Variants in DLC1 observed in about 807,000 individuals in gnomAD.
The protein encoded by DLC1 is rho GTPase-activating protein 7.
DLC1 carries 54 observed loss-of-function variants against 140.3 expected under a neutral mutation model. That is an observed-to-expected ratio of 0.38 (90% confidence interval 0.31 to 0.48). DLC1 has a LOEUF of 0.48. DLC1 is among the 20% of genes least tolerant of loss of function. The pLI, the probability that DLC1 is intolerant of heterozygous loss-of-function variation, is 0.96. For missense variants in DLC1, 2,536 were observed against 1,907.0 expected (o/e 1.33, Z -6.14); for synonymous variants, 986 against 728.1 (o/e 1.35, Z -5.70).
intron 1 of DLC1, among the ~76,000 whole-genome samples, chr8:13,556,620 G>T (rs1804054578): frequency 1.3e-5 from 2 of 152,096 alleles, no homozygotes; most frequent in African/African-American, 4.8e-5. Context: ...TGCTTCTCAG[G>T]ACAGACAATG....
intron 1 of DLC1, among the ~76,000 whole-genome samples, chr8:13,551,501 A>G (rs528744502): frequency 1.3e-3 from 197 of 152,116 alleles, no homozygotes; most frequent in African/African-American, 4.6e-3. Context: ...CTCTTTCACA[A>G]TAGCATTTTC....
intron 5 of DLC1, among the ~76,000 whole-genome samples, chr8:13,132,222 T>C (rs1822162659): frequency 6.6e-6 from 1 of 151,570 alleles, no homozygotes; most frequent in Non-Finnish European, 1.5e-5. Context: ...TGTGTGTGTG[T>C]GTGTGTGTGT....
At chr8:13,593,359 C>T (rs899549397) in intron 1 of DLC1, among the ~76,000 whole-genome samples, 1 of 152,102 alleles carries the variant, frequency 6.6e-6, no homozygotes, top group African/African-American at 2.4e-5. Flanking sequence ...CTTCTGGGCA[C>T]AAAGTAGGAT....
At chr8:13,296,152 C>CACCATGTTG (rs945122627) in intron 5 of DLC1, among the ~76,000 whole-genome samples, 1 of 151,746 alleles carries the variant, frequency 6.6e-6, no homozygotes, top group African/African-American at 2.4e-5. Flanking sequence ...GACAGAGTTA[C>CACCATGTTG]ACCATGTTGG....
intron 1 of DLC1, among the ~76,000 whole-genome samples, chr8:13,503,873 G>C (rs886651359): frequency 6.6e-6 from 1 of 152,078 alleles, no homozygotes; most frequent in South Asian, 2.1e-4. Context: ...ATCTATCTGT[G>C]GTAAATATCT....
At chr8:13,322,435 C>A (rs1035154989) in intron 4 of DLC1, among the ~76,000 whole-genome samples, 1 of 152,014 alleles carries the variant, frequency 6.6e-6, no homozygotes, top group Non-Finnish European at 1.5e-5. Context: ...TTGTTGGACA[C>A]AAATTATTAC....
intron 2 of DLC1, among the ~76,000 whole-genome samples, chr8:13,405,044 G>C (rs761714156): frequency 6.6e-6 from 1 of 151,532 alleles, no homozygotes; most frequent in Non-Finnish European, 1.5e-5. Flanking sequence ...TACTTCTGGA[G>C]GATTTTTTTT....
intron 4 of DLC1, among the ~76,000 whole-genome samples, chr8:13,362,567 A>G (rs1835280773): frequency 6.6e-6 from 1 of 151,916 alleles, no homozygotes; most frequent in South Asian, 2.1e-4. Context: ...GTTTCTTGCA[A>G]TTCATAATTA....
intron 5 of DLC1, among the ~76,000 whole-genome samples, chr8:13,268,609 A>T (rs79753836): frequency 0.075 from 11,403 of 152,138 alleles, 486 homozygotes; most frequent in South Asian, 0.095. Context: ...TCTTGAACTC[A>T]TGGCTTCAAG....
chr8:13,203,702 C>G (rs1827514287), intron 5 of DLC1, among the ~76,000 whole-genome samples: 1 of 152,086 alleles, frequency 6.6e-6, no homozygotes, highest in African/African-American at 2.4e-5. Flanking sequence ...CTTTTTAAGG[C>G]AAATATTCCT....
intron 5 of DLC1, among the ~76,000 whole-genome samples, chr8:13,219,245 T>G (rs1237820787): frequency 7.4e-6 from 1 of 136,046 alleles, no homozygotes; most frequent in African/African-American, 2.7e-5. Context: ...ATAATGATAT[T>G]CTTGAATATG....
intron 5 of DLC1, among the ~76,000 whole-genome samples, chr8:13,245,975 T>A (rs1204436152): frequency 6.6e-6 from 1 of 152,170 alleles, no homozygotes; most frequent in East Asian, 1.9e-4. Context: ...GTGCTGGGAT[T>A]ACAGGTGTTA....
intron 1 of DLC1, among the ~76,000 whole-genome samples, chr8:13,535,669 T>TAAAAAAAAAA (rs55970525): frequency 8.7e-6 from 1 of 114,690 alleles, no homozygotes; most frequent in African/African-American, 3.7e-5. Context: ...CATTGCTCAT[T>TAAAAAAAAAA]AAAAAAAAAA....
At chr8:13,100,903 AGT>A (rs1819023231) in intron 8 of DLC1, 133 bp from the exon 9 acceptor site, 202 of 762,334 alleles carry the variant, frequency 2.6e-4, no homozygotes, top group Non-Finnish European at 3.3e-4. Flanking sequence ...TTAATTTTAA[AGT>A]TTTTTTTTTT....
intron 5 of DLC1, among the ~76,000 whole-genome samples, chr8:13,286,024 A>C (rs538558905): frequency 1.3e-5 from 2 of 152,234 alleles, no homozygotes; most frequent in Non-Finnish European, 2.9e-5. Flanking sequence ...AATATGCAAT[A>C]CAGTGTTATT....
chr8:13,189,125 A>G (rs567745629), intron 5 of DLC1, among the ~76,000 whole-genome samples: 3 of 152,206 alleles, frequency 2.0e-5, no homozygotes, highest in Non-Finnish European at 2.9e-5. Context: ...GTTTTTCATG[A>G]TAAAATAATT....
Position 13,522,770 on chromosome 8 carries a change from G to A in DLC1, c.-125-22574C>T, listed in dbSNP as rs7011895. Among the ~76,000 whole-genome samples the A allele has an allele frequency of 2.6e-5, 4 of 152,116 alleles. No individual in the cohort carries two copies. The South Asian group carries it at 6.2e-4, about 24-fold the overall frequency. On this transcript the variant is annotated intron_variant, in intron 1 of 1. Transcript: ENST00000631382. ...GAGGGTGTGGAATGAGGATTGAGGG[G>A]CAATCATGTTATATAATTAAATAAG... is the stretch of plus-strand genomic sequence containing the variant.
At chr8:13,590,301 C>G (rs924679548) in intron 1 of DLC1, among the ~76,000 whole-genome samples, 2 of 151,846 alleles carry the variant, frequency 1.3e-5, no homozygotes, top group Non-Finnish European at 2.9e-5. Flanking sequence ...ACCCACATCC[C>G]CAGTTTTTTT....
chr8:13,272,541 A>AC (rs1830978994), intron 5 of DLC1, among the ~76,000 whole-genome samples: 2 of 152,058 alleles, frequency 1.3e-5, no homozygotes, highest in Admixed American at 1.3e-4. Context: ...TTAAATTACA[A>AC]CAGTGTGCAC....
Sources: gnomAD v4.1 joint callset for allele counts (sites outside exome capture counted in the v4.1 genomes callset) on GRCh38, gnomAD v4.1.1 for gene constraint, MANE v1.5 for transcripts, NCBI Gene and HGNC (gene_info 2026-07-23, HGNC 2026-07-21) for gene names.